Variants in CAMTA1 observed in about 807,000 individuals in gnomAD.
CAMTA1 encodes calmodulin-binding transcription activator 1.
A neutral mutation model predicts 170.9 loss-of-function variants in CAMTA1; 27 were observed. The ratio of observed to expected loss-of-function variants is 0.16; its 90% confidence interval spans 0.12 to 0.22. The LOEUF (loss-of-function observed/expected upper bound fraction) is 0.22. Among genes scored for constraint, CAMTA1 ranks in the 10% least tolerant of loss-of-function variants. The pLI is 1.00. For missense variants in CAMTA1, 1,619 were observed against 2,217.2 expected (o/e 0.73, Z 5.42); for synonymous variants, 833 against 891.5 (o/e 0.93, Z 1.17).
At position 7,014,966 on chromosome 1, in the gene CAMTA1, T is replaced by TA. The variant is rs774321043; in HGVS notation, c.235-76337dup. On this transcript the variant is annotated intron_variant, in intron 3 of 22. Coordinates refer to ENST00000303635, the MANE Select transcript of CAMTA1 (RefSeq NM_015215.4). The surrounding 1 kb of genome is among the most constrained non-coding windows in gnomAD (Gnocchi z 4.2). Reference sequence around the variant, plus strand: ...CAAAAACCACAAGCTAAATGATCTGTACATTGTCCTCCAACTCTGAGAGCC... The same window carrying TA: ...CAAAAACCACAAGCTAAATGATCTGTAACATTGTCCTCCAACTCTGAGAGCC... 6.6e-6 allele frequency among the ~76,000 whole-genome samples: 1 copy of TA among 152,200 alleles called. No homozygotes were observed. The highest frequency in any genetic ancestry group is 2.4e-5 in the African/African-American group (1 of 41,442).
chr1:7,088,515 A>C (rs1259509600), intron 3 of CAMTA1, among the ~76,000 whole-genome samples: 1 of 152,246 alleles, frequency 6.6e-6, no homozygotes, highest in South Asian at 2.1e-4. Context: ...GTAGATGCTC[A>C]GTAAGTGTTT....
At chr1:7,236,801 A>G (rs964906759) in intron 4 of CAMTA1, among the ~76,000 whole-genome samples, 2 of 152,252 alleles carry the variant, frequency 1.3e-5, no homozygotes, top group East Asian at 1.9e-4. Context: ...CTAATGGTGC[A>G]TGGAAATCAG....
At chr1:6,989,177 C>T (rs1294034773) in intron 3 of CAMTA1, among the ~76,000 whole-genome samples, 1 of 152,192 alleles carries the variant, frequency 6.6e-6, no homozygotes, top group Non-Finnish European at 1.5e-5. Flanking sequence ...CATCTGGGAC[C>T]TGCCTCTTCC....
intron 5 of CAMTA1, among the ~76,000 whole-genome samples, chr1:7,465,595 C>A (rs933884572): frequency 6.6e-6 from 1 of 152,124 alleles, no homozygotes; most frequent in Admixed American, 6.5e-5. Context: ...AATGAGTGAG[C>A]CTTGATGTAG....
intron 11 of CAMTA1, among the ~76,000 whole-genome samples, chr1:7,684,005 G>A (rs1440708905): frequency 6.6e-6 from 1 of 152,212 alleles, no homozygotes; most frequent in Non-Finnish European, 1.5e-5. Flanking sequence ...CCTGCCATTT[G>A]CAGCTGGAGC....
chr1:7,081,393 G>A (rs1357140014), intron 3 of CAMTA1, among the ~76,000 whole-genome samples: 1 of 152,070 alleles, frequency 6.6e-6, no homozygotes, highest in African/African-American at 2.4e-5. Flanking sequence ...GACAAAGAAG[G>A]GTGAAATTGG....
chr1:7,704,259 C>A (rs2096478946), intron 11 of CAMTA1, among the ~76,000 whole-genome samples: 1 of 146,270 alleles, frequency 6.8e-6, no homozygotes, highest in Non-Finnish European at 1.5e-5. Flanking sequence ...GCGCGGGGAG[C>A]CAGGCAGGGC....
intron 5 of CAMTA1, among the ~76,000 whole-genome samples, chr1:7,279,983 G>A (rs533693104): frequency 4.6e-5 from 7 of 152,356 alleles, no homozygotes; most frequent in Admixed American, 1.3e-4. Flanking sequence ...GGTCCAGAGC[G>A]GGAGGGAGTG....
intron 5 of CAMTA1, among the ~76,000 whole-genome samples, chr1:7,446,532 C>T (rs1010964620): frequency 1.3e-5 from 2 of 152,100 alleles, no homozygotes; most frequent in Non-Finnish European, 2.9e-5. Context: ...CCAGGAGGGC[C>T]CGGGTGGCCA....
At chr1:7,151,756 G>T (rs1646593877) in intron 4 of CAMTA1, among the ~76,000 whole-genome samples, 2 of 152,200 alleles carry the variant, frequency 1.3e-5, no homozygotes, top group African/African-American at 2.4e-5. Context: ...CCATTGGGAG[G>T]CCCTGGAGGG....
At chr1:7,047,703 T>TTCTC (rs745458237) in intron 3 of CAMTA1, among the ~76,000 whole-genome samples, 1 of 149,744 alleles carries the variant, frequency 6.7e-6, no homozygotes, top group East Asian at 1.9e-4. Flanking sequence ...GGCTTTGGCT[T>TTCTC]TCTCTCTCTC....
intron 6 of CAMTA1, among the ~76,000 whole-genome samples, chr1:7,501,618 G>GTTGT (rs2094006934): frequency 6.7e-6 from 1 of 149,532 alleles, no homozygotes; most frequent in Non-Finnish European, 1.5e-5. Flanking sequence ...ATAAACAACA[G>GTTGT]TTTTTTTTTT....
At chr1:7,025,434 A>T (rs6693950) in intron 3 of CAMTA1, among the ~76,000 whole-genome samples, 5 of 152,016 alleles carry the variant, frequency 3.3e-5, no homozygotes, top group African/African-American at 1.2e-4. Context: ...ACCATAGGAT[A>T]TATGGTTTGC....
At chr1:7,231,360 A>T (rs1384938748) in intron 4 of CAMTA1, among the ~76,000 whole-genome samples, 1 of 115,508 alleles carries the variant, frequency 8.7e-6, no homozygotes. Context: ...TGAGAGAGAG[A>T]GAGAGAGAGA....
intron 1 of CAMTA1, among the ~76,000 whole-genome samples, chr1:6,797,770 T>A (rs1642894644): frequency 6.6e-6 from 1 of 152,146 alleles, no homozygotes; most frequent in Non-Finnish European, 1.5e-5. Flanking sequence ...TGTGTTCCTT[T>A]AGGTTAAACT....
rs145009230 is a variant in CAMTA1, at chr1:7,290,911, T to A, written c.438+41285T>A. The stretch of plus-strand genomic sequence containing the variant: ...GTCCCTCATTTTGCAAATGAGGAAA[T>A]GGGGGCTCCTGGGGGGGTGAAGTGA... On this transcript the variant is annotated intron_variant, in intron 5 of 22. Coordinates refer to ENST00000303635, the MANE Select transcript of CAMTA1 (RefSeq NM_015215.4). Among the ~76,000 whole-genome samples the A allele has an allele frequency of 3.3e-5, 5 of 152,094 alleles. No homozygotes were observed. In the East Asian group the frequency reaches 9.7e-4, roughly 30 times the overall value.
At chr1:7,330,310 G>A (rs978790534) in intron 5 of CAMTA1, among the ~76,000 whole-genome samples, 12 of 152,332 alleles carry the variant, frequency 7.9e-5, no homozygotes, top group Non-Finnish European at 1.3e-4. Flanking sequence ...AATAGTCGCA[G>A]GACCCGGATT....
intron 6 of CAMTA1, among the ~76,000 whole-genome samples, chr1:7,492,263 G>A (rs1210899222): frequency 6.6e-6 from 1 of 152,204 alleles, no homozygotes; most frequent in South Asian, 2.1e-4. Context: ...ACTTCTCAGT[G>A]AAGAGGATAA....
chr1:7,602,889 A>G (rs2095458109), intron 6 of CAMTA1, among the ~76,000 whole-genome samples: 1 of 152,164 alleles, frequency 6.6e-6, no homozygotes, highest in African/African-American at 2.4e-5. Flanking sequence ...GAGCATCTTT[A>G]TTTCTGCCTT....
Sources: gnomAD v4.1 joint callset for allele counts (sites outside exome capture counted in the v4.1 genomes callset) on GRCh38, gnomAD v4.1.1 for gene constraint, Gnocchi (gnomAD v3.1) non-coding constraint, MANE v1.5 for transcripts, NCBI Gene and HGNC (gene_info 2026-07-23, HGNC 2026-07-21) for gene names.